Variants in DPF3 observed in about 807,000 individuals in gnomAD.
DPF3 encodes the protein zinc finger protein DPF3.
A neutral mutation model predicts 56.8 loss-of-function variants in DPF3; 18 were observed. The observed-to-expected ratio is 0.32, with a 90% CI of 0.22 to 0.47. DPF3 has a LOEUF of 0.47. DPF3 is among the 20% of genes least tolerant of loss of function. DPF3 has a pLI of 1.00. For missense variants in DPF3, 403 were observed against 488.8 expected (o/e 0.82, Z 1.65); for synonymous variants, 188 against 180.2 (o/e 1.04, Z -0.35).
At chr14:72,659,075 G>T (rs543056817) in intron 8 of DPF3, among the ~76,000 whole-genome samples, 1 of 152,078 alleles carries the variant, frequency 6.6e-6, no homozygotes, top group South Asian at 2.1e-4. Context: ...AGTCACGGCT[G>T]CCCCATTGGA....
At position 72,612,958 on chromosome 14, in the gene DPF3, A is replaced by T. The variant is rs576308268; in HGVS notation, c.*6339T>A. Among the ~76,000 whole-genome samples the T allele has an allele frequency of 1.3e-5, 2 of 151,572 alleles. No individual in the cohort carries two copies. Among genetic ancestry groups the T allele is most frequent in the East Asian group, 3.9e-4 (2 of 5,086 alleles). On this transcript the variant is annotated 3_prime_UTR_variant, in exon 11 of 11. Coordinates refer to ENST00000556509, the MANE Select transcript of DPF3 (RefSeq NM_001280542.3). ...CTGGCTCTCCCTCTTGTCCTGGAGC[A>T]ACATCAAAGTTTCCCTTTGGTTCAT...
chr14:72,869,591 T>A (rs141504631), intron 1 of DPF3, among the ~76,000 whole-genome samples: 1 of 152,060 alleles, frequency 6.6e-6, no homozygotes, highest in East Asian at 1.9e-4. Context: ...TGCCACAAGA[T>A]CTCAGGCTCT....
intron 1 of DPF3, among the ~76,000 whole-genome samples, chr14:72,871,299 C>T (rs1885891838): frequency 6.6e-6 from 1 of 152,212 alleles, no homozygotes; most frequent in African/African-American, 2.4e-5. Context: ...CAAAACCAAT[C>T]ATGCCTTCCC....
rs3742840 is a variant in DPF3, at chr14:72,611,323, T to C, written c.*7974A>G. On this transcript the variant is annotated 3_prime_UTR_variant, in exon 11 of 11. Transcript: ENST00000556509. ...TCCTAATGCTGTCAACACAAACAAC[T>C]GAGAGTCTAAGCCAGCACGAAGCTA... Among the ~76,000 whole-genome samples the C allele has an allele frequency of 0.011, 1,720 of 152,276 alleles. 45 individuals carry two copies. Among genetic ancestry groups the C allele is most frequent in the East Asian group, 0.11 (557 of 5,186 alleles).
intron 1 of DPF3, among the ~76,000 whole-genome samples, chr14:72,800,862 C>T (rs1227926438): frequency 6.6e-6 from 1 of 152,188 alleles, no homozygotes; most frequent in African/African-American, 2.4e-5. Flanking sequence ...AACCTACACA[C>T]AAATAGGCAT....
intron 2 of DPF3, among the ~76,000 whole-genome samples, chr14:72,767,666 A>G (rs1289892974): frequency 6.8e-6 from 1 of 146,918 alleles, no homozygotes; most frequent in African/African-American, 2.5e-5. Flanking sequence ...AAGATCTAAC[A>G]TTTGTGTTGT....
At chr14:72,808,966 C>T (rs1882912385) in intron 1 of DPF3, among the ~76,000 whole-genome samples, 1 of 152,216 alleles carries the variant, frequency 6.6e-6, no homozygotes, top group Non-Finnish European at 1.5e-5. Flanking sequence ...TCATCTGGCC[C>T]TCTAGACAAG....
Position 72,711,713 on chromosome 14 carries a change from G to A in DPF3, c.604+2710C>T, listed in dbSNP as rs1172971658. Among the ~76,000 whole-genome samples the A allele has an allele frequency of 7.2e-5, 11 of 152,114 alleles. 1 individual carries two copies. The highest frequency in any genetic ancestry group is 1.3e-4 in the Non-Finnish European group (9 of 68,004). On this transcript the variant is annotated intron_variant, in intron 6 of 10. Coordinates refer to ENST00000556509, the MANE Select transcript of DPF3 (RefSeq NM_001280542.3). ...AGCCCTAATGTGCCTATTCGTAGGGGAAAGATGCGCAAACGACAAGGGGAC... is the reference window on the plus strand; with the variant it reads ...AGCCCTAATGTGCCTATTCGTAGGGAAAAGATGCGCAAACGACAAGGGGAC...
In DPF3 at chr14:72,768,539, T is replaced by G. The variant is rs76289799; in HGVS notation, c.193+3194A>C. On this transcript the variant is annotated intron_variant, in intron 2 of 10. Transcript: ENST00000556509. The stretch of plus-strand genomic sequence containing the variant: ...TTGATATTGTAAGATGTATTAATCT[T>G]GGAGGAAATTGGATGAAGAAGATAG... Among the ~76,000 whole-genome samples the G allele has an allele frequency of 1.6e-4, 24 of 152,360 alleles. No individual in the cohort carries two copies. In the East Asian group the frequency reaches 4.2e-3, roughly 27 times the overall value.
At chr14:72,629,250 A>T (rs1450035091) in intron 9 of DPF3, among the ~76,000 whole-genome samples, 1 of 152,208 alleles carries the variant, frequency 6.6e-6, no homozygotes, top group East Asian at 1.9e-4. Flanking sequence ...ATAAGATTGG[A>T]CGTGTACTGA....
At chr14:72,890,287 T>G (rs1886698600) in intron 1 of DPF3, among the ~76,000 whole-genome samples, 1 of 152,052 alleles carries the variant, frequency 6.6e-6, no homozygotes. Context: ...GGCCACGAGT[T>G]TGAGACCAGC....
chr14:72,892,797 C>T, intron 1 of DPF3: 2 of 624,532 alleles, frequency 3.2e-6, no homozygotes, highest in Non-Finnish European at 2.0e-6. Flanking sequence ...GGGGTGAGGA[C>T]CCCCCAGCCC....
intron 1 of DPF3, among the ~76,000 whole-genome samples, chr14:72,847,473 G>A (rs901142790): frequency 1.3e-5 from 2 of 152,028 alleles, no homozygotes; most frequent in Non-Finnish European, 2.9e-5. Flanking sequence ...GCCATAATCT[G>A]CTAACCGTGC....
At chr14:72,698,672 G>A (rs569687498) in intron 6 of DPF3, among the ~76,000 whole-genome samples, 1 of 152,270 alleles carries the variant, frequency 6.6e-6, no homozygotes, top group Non-Finnish European at 1.5e-5. Context: ...GGGTGACAGA[G>A]CAAGAAAAAA....
chr14:72,612,296 C>T lies in DPF3; in HGVS notation c.*7001G>A, dbSNP rs8010823. Among the ~76,000 whole-genome samples the T allele has an allele frequency of 1.7e-4, 26 of 152,300 alleles. No individual in the cohort carries two copies. The highest frequency in any genetic ancestry group is 3.4e-3 in the Middle Eastern group (1 of 294). On this transcript the variant is annotated 3_prime_UTR_variant, in exon 11 of 11. Transcript: ENST00000556509. ...TTTCCCAAATGCCATGTGGACCAGA[C>T]GCATTGGTGAGCCAGGGACGCCCTG...
intron 8 of DPF3, among the ~76,000 whole-genome samples, chr14:72,638,855 C>T (rs574476914): frequency 8.8e-4 from 127 of 144,190 alleles, no homozygotes; most frequent in African/African-American, 3.0e-3. Flanking sequence ...CTTGATCTGT[C>T]GTCCATGCTG....
chr14:72,627,992 T>C (rs1884936010), intron 9 of DPF3, among the ~76,000 whole-genome samples: 1 of 152,116 alleles, frequency 6.6e-6, no homozygotes, highest in East Asian at 1.9e-4. Context: ...TGTTACCTTT[T>C]ATGTTTGAGT....
At chr14:72,780,559 C>T (rs1174910147) in intron 1 of DPF3, among the ~76,000 whole-genome samples, 2 of 152,162 alleles carry the variant, frequency 1.3e-5, no homozygotes, top group African/African-American at 4.8e-5. Flanking sequence ...CTAACTTTCT[C>T]CATGGGAACA....
chr14:72,807,026 A>G (rs557306550), intron 1 of DPF3, among the ~76,000 whole-genome samples: 1 of 152,258 alleles, frequency 6.6e-6, no homozygotes, highest in African/African-American at 2.4e-5. Context: ...ATGGCCCTGG[A>G]GAGGGCTGCC....
Sources: gnomAD v4.1 joint callset for allele counts (sites outside exome capture counted in the v4.1 genomes callset) on GRCh38, gnomAD v4.1.1 for gene constraint, MANE v1.5 for transcripts, NCBI Gene and HGNC (gene_info 2026-07-23, HGNC 2026-07-21) for gene names.